The following FCHO2 variants were observed in gnomAD, a reference collection of about 807,000 sequenced individuals.
FCHO2 encodes the protein F-BAR domain only protein 2.
In FCHO2, 43 loss-of-function variants were observed where a neutral mutation model predicts 114.1. The observed-to-expected ratio is 0.38, with a 90% CI of 0.30 to 0.49. The LOEUF (loss-of-function observed/expected upper bound fraction) is 0.49, where lower values mean the gene tolerates loss of function less well. Ranked by LOEUF, FCHO2 falls within the 20% of genes least tolerant of loss-of-function variation. The probability of loss-of-function intolerance (pLI) is 0.97; values close to 1 mark genes in which losing one functional copy is unlikely to be tolerated. For missense variants in FCHO2, 807 were observed against 950.4 expected, an observed-to-expected ratio of 0.85 and a Z score of 1.98; for synonymous variants, 293 against 315.2, an observed-to-expected ratio of 0.93 and a Z score of 0.75.
chr5:72,983,525 A>AG (rs1466785729), intron 2 of FCHO2, among the ~76,000 whole-genome samples: 1 of 148,526 alleles, frequency 6.7e-6, no homozygotes, highest in Non-Finnish European at 1.5e-5. Flanking sequence ...CACCATGCCC[A>AG]GTGTCTTTCA....
chr5:72,993,769 T>A (rs1753932442), intron 5 of FCHO2, among the ~76,000 whole-genome samples: 1 of 152,230 alleles, frequency 6.6e-6, no homozygotes, highest in Admixed American at 6.5e-5. Flanking sequence ...GATTATTTTC[T>A]GAAAATCTTT....
chr5:73,077,721 G>A (rs1465705688), intron 21 of FCHO2, among the ~76,000 whole-genome samples: 1 of 151,950 alleles, frequency 6.6e-6, no homozygotes, highest in Non-Finnish European at 1.5e-5. Context: ...ATGATGGTGC[G>A]TTCCTGTAGT....
intron 5 of FCHO2, among the ~76,000 whole-genome samples, chr5:73,005,464 T>G (rs535349518): frequency 1.3e-5 from 2 of 152,298 alleles, no homozygotes; most frequent in African/African-American, 4.8e-5. Flanking sequence ...ACCCTACTGT[T>G]TCTCACTCAT....
At chr5:72,980,870 A>G (rs974065617) in intron 2 of FCHO2, among the ~76,000 whole-genome samples, 4 of 152,106 alleles carry the variant, frequency 2.6e-5, no homozygotes, top group African/African-American at 7.2e-5. Flanking sequence ...TGAATACAGC[A>G]CACCAGTGAG....
At chr5:73,018,985 A>C (rs1330046875) in intron 8 of FCHO2, among the ~76,000 whole-genome samples, 1 of 152,244 alleles carries the variant, frequency 6.6e-6, no homozygotes, top group Non-Finnish European at 1.5e-5. Context: ...GACATACATT[A>C]GGATGGCAAT....
intron 8 of FCHO2, among the ~76,000 whole-genome samples, chr5:73,025,827 G>A (rs746592037): frequency 5.3e-5 from 8 of 152,142 alleles, no homozygotes; most frequent in Non-Finnish European, 1.0e-4. Context: ...AAAGGATTTT[G>A]TTTTGTAAAG....
chr5:73,053,904 CAATG>C (rs1057075722), intron 13 of FCHO2, among the ~76,000 whole-genome samples: 6 of 150,068 alleles, frequency 4.0e-5, no homozygotes, highest in Admixed American at 2.0e-4. Context: ...TTTTAAAAAA[CAATG>C]AACATGTATT....
At chr5:73,009,933 G>A (rs978495637) in intron 6 of FCHO2, among the ~76,000 whole-genome samples, 1 of 152,188 alleles carries the variant, frequency 6.6e-6, no homozygotes, top group Non-Finnish European at 1.5e-5. Context: ...TAATGTGTGT[G>A]TATTTGTTCT....
chr5:72,985,960 C>T (rs1753498359), intron 2 of FCHO2, among the ~76,000 whole-genome samples: 2 of 152,020 alleles, frequency 1.3e-5, no homozygotes, highest in African/African-American at 2.4e-5. Context: ...TTCTCTAACT[C>T]ATTCTTTCTC....
At chr5:73,039,734 C>T (rs1756715401) in intron 10 of FCHO2, among the ~76,000 whole-genome samples, 1 of 151,470 alleles carries the variant, frequency 6.6e-6, no homozygotes, top group Non-Finnish European at 1.5e-5. Context: ...TCAAGACCAG[C>T]CTGGCCAACA....
At chr5:72,974,779 A>G (rs1428262554) in intron 2 of FCHO2, among the ~76,000 whole-genome samples, 1 of 152,008 alleles carries the variant, frequency 6.6e-6, no homozygotes, top group Admixed American at 6.6e-5. Context: ...TCGTTAGTTG[A>G]TGCAGTTTCT....
intron 19 of FCHO2, among the ~76,000 whole-genome samples, chr5:73,070,288 A>C (rs1742571267): frequency 6.6e-6 from 1 of 152,166 alleles, no homozygotes; most frequent in Non-Finnish European, 1.5e-5. Flanking sequence ...AATATAGGCT[A>C]GAATGAAATA....
At chr5:73,015,520 C>G (rs1755262219) in intron 6 of FCHO2, 106 bp from the exon 7 acceptor site, 1 of 623,848 alleles carries the variant, frequency 1.6e-6, no homozygotes, top group Middle Eastern at 3.3e-4. Flanking sequence ...GCCTCAGCCT[C>G]CCAAAGTGCT....
chr5:73,007,212 C>T (rs1350423063), intron 6 of FCHO2, among the ~76,000 whole-genome samples: 5 of 152,154 alleles, frequency 3.3e-5, no homozygotes, highest in Admixed American at 6.5e-5. Context: ...ATCTCAGTGG[C>T]TTACAATATC....
chr5:73,035,494 C>T (rs1465488506), intron 9 of FCHO2, among the ~76,000 whole-genome samples: 1 of 152,076 alleles, frequency 6.6e-6, no homozygotes, highest in African/African-American at 2.4e-5. Flanking sequence ...AAGGTCTCTA[C>T]TGCTCTCTTC....
At chr5:73,010,894 A>AG in intron 6 of FCHO2, among the ~76,000 whole-genome samples, 1 of 150,508 alleles carries the variant, frequency 6.6e-6, no homozygotes, top group East Asian at 1.9e-4. Context: ...AAAAAAAAAA[A>AG]AAAAAAAAGA....
chr5:73,007,717 A>G (rs148474889), intron 6 of FCHO2, among the ~76,000 whole-genome samples: 41 of 152,354 alleles, frequency 2.7e-4, no homozygotes, highest in African/African-American at 9.6e-4. Flanking sequence ...AATAAGACAA[A>G]TATCTCCGTG....
chr5:73,056,740 G>A (rs1286106500), intron 16 of FCHO2, among the ~76,000 whole-genome samples: 2 of 151,946 alleles, frequency 1.3e-5, no homozygotes, highest in Non-Finnish European at 2.9e-5. Context: ...TATTCTCATG[G>A]GAATTTTCTC....
intron 10 of FCHO2, among the ~76,000 whole-genome samples, chr5:73,038,604 G>A (rs1263990098): frequency 1.3e-5 from 2 of 152,106 alleles, no homozygotes; most frequent in Non-Finnish European, 2.9e-5. Flanking sequence ...TGTGCTTTGG[G>A]TATTCTTGCT....
Sources: allele counts gnomAD v4.1 joint callset (sites outside exome capture counted in the v4.1 genomes callset), GRCh38; gene constraint gnomAD v4.1.1; transcripts MANE v1.5; gene names NCBI Gene and HGNC (gene_info 2026-07-23, HGNC 2026-07-21).